TTC3: variants seen among roughly 807,000 people sequenced by gnomAD.
TTC3 encodes the protein tetratricopeptide repeat domain 3.
TTC3 carries 180 observed loss-of-function variants against 249.6 expected under a neutral mutation model. The ratio of observed to expected loss-of-function variants is 0.72; its 90% CI spans 0.64 to 0.82. The LOEUF (loss-of-function observed/expected upper bound fraction) is 0.82, where lower values mean the gene tolerates loss of function less well. Among genes scored for constraint, TTC3 ranks in the 40% least tolerant of loss-of-function variants. The pLI is 0.00. For synonymous variants in TTC3, 717 were observed against 805.0 expected, an observed-to-expected ratio of 0.89 and a Z score of 1.85; for missense variants, 2,061 against 2,398.4, an observed-to-expected ratio of 0.86 and a Z score of 2.94.
intron 10 of TTC3, among the ~76,000 whole-genome samples, chr21:37,107,080 T>G (rs1365972606): frequency 2.6e-5 from 4 of 151,990 alleles, no homozygotes; most frequent in African/African-American, 7.2e-5. Flanking sequence ...TAGTTGGTTT[T>G]TTTTTTTTTT....
chr21:37,197,785 T>TAGAGAGC, intron 43 of TTC3, 89 bp downstream of exon 43: 1 of 1,527,150 alleles, frequency 6.5e-7, no homozygotes, highest in East Asian at 2.3e-5. Flanking sequence ...AACCAAAACC[T>TAGAGAGC]AGAGAGCAAT....
rs573377568 is a variant in TTC3, at chr21:37,087,685, C to T, written c.145-148C>T. ...ACTCAGGTAATACTGTAAAACGGGT[C>T]TCAAATTAAGACTCTTTGGCTGAAG... On this transcript the variant is annotated intron_variant, in intron 2 of 45. Coordinates refer to ENST00000355666, the Ensembl canonical transcript of TTC3. 2.9e-5 allele frequency: 22 copies of T among 759,332 alleles called. No individual in the cohort carries two copies. In the East Asian group the frequency reaches 4.9e-4, roughly 17 times the overall value. 47.0% of individuals were successfully genotyped at this position (759,332 alleles called of 1,614,324 possible). A position where few individuals can be genotyped will look rare whatever the true frequency, so the allele number is the denominator to read the frequency against.
chr21:37,088,332 C>T (rs1218409290), exon 4 of TTC3: 3 of 1,611,750 alleles, frequency 1.9e-6, no homozygotes, highest in Non-Finnish European at 2.5e-6. Flanking sequence ...GATTGCATCC[C>T]TGTGTGGACG....
At chr21:37,197,634 A>G in exon 43 of TTC3, 1 of 1,612,334 alleles carries the variant, frequency 6.2e-7, no homozygotes, top group Non-Finnish European at 8.5e-7. Context: ...CTCAGGATTG[A>G]GTATTGATGA....
chr21:37,146,060 T>A (rs1202275639), intron 21 of TTC3, among the ~76,000 whole-genome samples: 1 of 152,222 alleles, frequency 6.6e-6, no homozygotes, highest in Non-Finnish European at 1.5e-5. Context: ...TCACAAAAAC[T>A]TGTACATGAA....
exon 27 of TTC3, chr21:37,153,249 C>T (rs779431535): frequency 4.1e-5 from 66 of 1,612,618 alleles, no homozygotes; most frequent in African/African-American, 8.0e-5. Flanking sequence ...CCAAATTAGC[C>T]GCCTGGATCC....
chr21:37,105,557 TA>T (rs145243006), intron 10 of TTC3, among the ~76,000 whole-genome samples: 364 of 152,254 alleles, frequency 2.4e-3, no homozygotes, highest in African/African-American at 8.4e-3. Context: ...ATACAAGTGT[TA>T]AGTGCAGCTG....
intron 21 of TTC3, among the ~76,000 whole-genome samples, chr21:37,145,094 A>G (rs540812221): frequency 3.3e-5 from 5 of 152,330 alleles, no homozygotes; most frequent in African/African-American, 1.2e-4. Flanking sequence ...ACAGTTACTG[A>G]GATGGTACTT....
intron 25 of TTC3, among the ~76,000 whole-genome samples, chr21:37,151,412 ATTTT>A (rs199979708): frequency 6.6e-6 from 1 of 151,228 alleles, no homozygotes; most frequent in Non-Finnish European, 1.5e-5. Flanking sequence ...CTAAGAAGTG[ATTTT>A]TTTTTATCAT....
rs1412771895 is a variant in TTC3, at chr21:37,082,427, T to C, written c.-11-4820T>C. ...ATTATGAACTTCTGTTTGATCTTTG[T>C]GGTGATCTTGAGAGTCTAATTTGAG... On this transcript the variant is annotated intron_variant, in intron 1 of 45. Coordinates refer to ENST00000355666, the Ensembl canonical transcript of TTC3. 2.3e-5 allele frequency: 21 copies of C among 911,450 alleles called. No homozygotes were observed. In the East Asian group the frequency reaches 7.1e-4, roughly 31 times the overall value. 56.5% of individuals were successfully genotyped at this position (911,450 alleles called of 1,614,324 possible).
At chr21:37,132,583 G>T in intron 16 of TTC3, 99 bp from the exon 17 acceptor site, 1 of 809,896 alleles carries the variant, frequency 1.2e-6, no homozygotes, top group East Asian at 3.4e-5. Context: ...AAAGTGCTGG[G>T]ATTACAGGTA....
intron 44 of TTC3, among the ~76,000 whole-genome samples, chr21:37,198,742 A>G (rs1719830806): frequency 6.6e-6 from 1 of 152,240 alleles, no homozygotes; most frequent in South Asian, 2.1e-4. Context: ...ACTTTGGTAT[A>G]TATTTTTCTA....
chr21:37,187,317 C>T (rs2083415210), intron 38 of TTC3, among the ~76,000 whole-genome samples, 172 bp downstream of exon 38: 1 of 152,184 alleles, frequency 6.6e-6, no homozygotes, highest in African/African-American at 2.4e-5. Context: ...TGCCTATAGC[C>T]TTGTAATGTT....
At chr21:37,076,107 T>A (rs2070828617) in intron 1 of TTC3, among the ~76,000 whole-genome samples, 1 of 152,210 alleles carries the variant, frequency 6.6e-6, no homozygotes, top group Non-Finnish European at 1.5e-5. Flanking sequence ...GCCTTGTTTT[T>A]AAAAATAATT....
chr21:37,109,658 C>T (rs1378537648), intron 11 of TTC3, among the ~76,000 whole-genome samples: 1 of 152,228 alleles, frequency 6.6e-6, no homozygotes. Context: ...AAACAAAAGA[C>T]AGCAATAACC....
At chr21:37,159,886 T>A in intron 29 of TTC3, 141 bp downstream of exon 29, 1 of 575,368 alleles carries the variant, frequency 1.7e-6, no homozygotes, top group Non-Finnish European at 2.7e-6. Context: ...TAGTACGTAC[T>A]ATTATTCATT....
rs28603675 is a variant in TTC3 at position 37,079,536 on chromosome 21, T to G, written c.-12+6172T>G. ...GGTATGGTTTTTTTTTTTTTTTTTT[T>G]TTTTTTTTTTTTTTTAAGATAGAGT... is the stretch of plus-strand genomic sequence containing the variant. On this transcript the variant is annotated intron_variant, in intron 1 of 45. Transcript: ENST00000355666. 9.1e-4 allele frequency among the ~76,000 whole-genome samples: 64 copies of G among 70,592 alleles called. 1 individual carries two copies. Among genetic ancestry groups the G allele is most frequent in the East Asian group, 8.6e-3 (23 of 2,684 alleles). 46.3% of individuals were successfully genotyped at this position (70,592 alleles called of 152,430 possible).
At chr21:37,186,364 G>C (rs1018324613) in intron 37 of TTC3, among the ~76,000 whole-genome samples, 2 of 152,154 alleles carry the variant, frequency 1.3e-5, no homozygotes, top group Non-Finnish European at 2.9e-5. Context: ...TTTGGGTTCT[G>C]TCCTTGTAAT....
In TTC3 at chr21:37,088,934, T is replaced by C. The variant is rs1462836437; in HGVS notation, c.426+48T>C. 2.0e-6 allele frequency: 3 copies of C among 1,523,506 alleles called. No homozygotes were observed. In the Admixed American group the frequency reaches 5.3e-5, roughly 27 times the overall value. The allele number at this position is 1,523,506 out of a possible 1,614,324, so 94.4% of individuals were successfully genotyped here. ...CCCCGAGCCCTTGGTTTAAATAATA[T>C]AAGCATTTATATGGTGTTAGGCTCA... On this transcript the variant is annotated intron_variant, in intron 5 of 45. Transcript: ENST00000355666.
Sources: allele counts gnomAD v4.1 joint callset (sites outside exome capture counted in the v4.1 genomes callset), GRCh38; gene constraint gnomAD v4.1.1; transcripts MANE v1.5; gene names NCBI Gene and HGNC (gene_info 2026-07-23, HGNC 2026-07-21).